Variants in GLIS1 observed in about 807,000 individuals in gnomAD.
The protein encoded by GLIS1 is zinc finger protein GLIS1.
A neutral mutation model predicts 63.8 loss-of-function variants in GLIS1; 24 were observed. The ratio of observed to expected loss-of-function variants is 0.38; its 90% confidence interval spans 0.27 to 0.53. The LOEUF is 0.53. Among genes scored for constraint, GLIS1 ranks in the 20% least tolerant of loss-of-function variants. The pLI, the probability that GLIS1 is intolerant of heterozygous loss-of-function variation, is 0.85. For missense variants in GLIS1, 1,036 were observed against 1,074.1 expected (o/e 0.96, Z 0.50); for synonymous variants, 450 against 482.5 (o/e 0.93, Z 0.88).
intron 3 of GLIS1, among the ~76,000 whole-genome samples, chr1:53,597,669 G>GT (rs1557472557): frequency 6.6e-6 from 1 of 152,124 alleles, no homozygotes; most frequent in Non-Finnish European, 1.5e-5. Flanking sequence ...CGGGCGGTTG[G>GT]GGGAAGGCAC....
chr1:53,729,152 G>C (rs1440457416), intron 2 of GLIS1, among the ~76,000 whole-genome samples: 1 of 152,194 alleles, frequency 6.6e-6, no homozygotes, highest in Non-Finnish European at 1.5e-5. Flanking sequence ...AGAACATTTG[G>C]ATACCCCTGC....
chr1:53,704,700 C>T (rs1213972661), intron 2 of GLIS1, among the ~76,000 whole-genome samples: 3 of 152,206 alleles, frequency 2.0e-5, no homozygotes, highest in Non-Finnish European at 4.4e-5. Context: ...GACAGCCTGG[C>T]CATCAGCGGG....
At chr1:53,618,674 G>C (rs1526909) in intron 2 of GLIS1, among the ~76,000 whole-genome samples, 82,838 of 151,806 alleles carry the variant, frequency 0.55, 24,090 homozygotes, top group Middle Eastern at 0.66. Context: ...TAGGAAAGTC[G>C]AGGGGCTGAT....
intron 5 of GLIS1, among the ~76,000 whole-genome samples, chr1:53,529,335 C>T (rs1644504557): frequency 6.6e-6 from 1 of 152,190 alleles, no homozygotes; most frequent in African/African-American, 2.4e-5. Context: ...TGGAGAGCCT[C>T]TGACCTGTGT....
intron 4 of GLIS1, among the ~76,000 whole-genome samples, chr1:53,533,495 C>T (rs1482203284): frequency 1.3e-5 from 2 of 152,264 alleles, no homozygotes; most frequent in Admixed American, 6.5e-5. Flanking sequence ...GTTCTGCTCC[C>T]CGCCCCCTGG....
intron 2 of GLIS1, among the ~76,000 whole-genome samples, chr1:53,734,915 G>C (rs1406248589): frequency 6.6e-6 from 1 of 152,168 alleles, no homozygotes; most frequent in Admixed American, 6.5e-5. Flanking sequence ...CTGGATAAAC[G>C]GGACTCTGCC....
chr1:53,555,117 C>T (rs115601415), intron 4 of GLIS1, among the ~76,000 whole-genome samples: 2,272 of 152,300 alleles, frequency 0.015, 51 homozygotes, highest in African/African-American at 0.051. Flanking sequence ...CCCATCTCCC[C>T]ACTCAGGCGA....
chr1:53,681,799 G>A (rs931101766), intron 2 of GLIS1, among the ~76,000 whole-genome samples: 2 of 151,558 alleles, frequency 1.3e-5, no homozygotes, highest in Non-Finnish European at 2.9e-5. Flanking sequence ...GAGTGCATTC[G>A]AGGTTGCTGT....
intron 2 of GLIS1, among the ~76,000 whole-genome samples, chr1:53,731,451 A>AG (rs1646860251): frequency 3.3e-5 from 5 of 152,168 alleles, no homozygotes; most frequent in Non-Finnish European, 7.4e-5. Flanking sequence ...GGGGGCGCGC[A>AG]GCTCTCTAGA....
chr1:53,615,089 G>A (rs549829602), intron 2 of GLIS1, among the ~76,000 whole-genome samples: 35 of 152,204 alleles, frequency 2.3e-4, no homozygotes, highest in African/African-American at 8.2e-4. Flanking sequence ...CTAGACGGTG[G>A]TCCTCTAACT....
intron 2 of GLIS1, among the ~76,000 whole-genome samples, chr1:53,689,428 T>C (rs925420550): frequency 1.1e-4 from 16 of 152,098 alleles, no homozygotes; most frequent in Admixed American, 9.8e-4. Context: ...CCCTCCACTG[T>C]CTACCAAGTT....
At chr1:53,584,801 T>C (rs1300007327) in intron 4 of GLIS1, among the ~76,000 whole-genome samples, 1 of 152,174 alleles carries the variant, frequency 6.6e-6, no homozygotes, top group Non-Finnish European at 1.5e-5. Context: ...AACAGGATGC[T>C]GAGGTCTGCA....
At chr1:53,593,410 G>A (rs1645212157) in intron 4 of GLIS1, among the ~76,000 whole-genome samples, 2 of 152,238 alleles carry the variant, frequency 1.3e-5, no homozygotes, top group Non-Finnish European at 2.9e-5. Flanking sequence ...GGAGGCCTGA[G>A]TACTCACAGT....
intron 7 of GLIS1, among the ~76,000 whole-genome samples, chr1:53,516,075 G>A (rs1445210805): frequency 6.6e-6 from 1 of 152,178 alleles, no homozygotes; most frequent in African/African-American, 2.4e-5. Flanking sequence ...GCTAGCCCGG[G>A]GCTGCACTGA....
intron 4 of GLIS1, among the ~76,000 whole-genome samples, chr1:53,558,449 C>T (rs1172873682): frequency 6.6e-6 from 1 of 152,234 alleles, no homozygotes. Context: ...CGCTGCTCTG[C>T]TGCTTTCCAC....
At chr1:53,632,237 AG>A (rs1167833967) in intron 2 of GLIS1, among the ~76,000 whole-genome samples, 1 of 147,490 alleles carries the variant, frequency 6.8e-6, no homozygotes, top group African/African-American at 2.5e-5. Flanking sequence ...AGTGTGACTG[AG>A]GGGTATGTGT....
At chr1:53,662,457 T>C (rs1646039044) in intron 2 of GLIS1, among the ~76,000 whole-genome samples, 2 of 152,132 alleles carry the variant, frequency 1.3e-5, no homozygotes, top group African/African-American at 4.8e-5. Context: ...GCCATTATCA[T>C]GATGATGATG....
At chr1:53,583,735 G>A (rs1352236210) in intron 4 of GLIS1, among the ~76,000 whole-genome samples, 2 of 152,324 alleles carry the variant, frequency 1.3e-5, no homozygotes, top group South Asian at 2.1e-4. Flanking sequence ...AATGTATTGC[G>A]AGGAGGAGGG....
chr1:53,522,983 TTTC>T (rs1466208012), intron 6 of GLIS1, among the ~76,000 whole-genome samples: 2 of 25,398 alleles, frequency 7.9e-5, no homozygotes, highest in African/African-American at 4.9e-4. Context: ...TTTTCTTTTC[TTTC>T]TTTTTTTTTT....
Sources: gnomAD v4.1 joint callset for allele counts (sites outside exome capture counted in the v4.1 genomes callset) on GRCh38, gnomAD v4.1.1 for gene constraint, MANE v1.5 for transcripts, NCBI Gene and HGNC (gene_info 2026-07-23, HGNC 2026-07-21) for gene names.